Variants in IPO7 observed in about 807,000 individuals in gnomAD.
The protein encoded by IPO7 is importin 7.
A neutral mutation model predicts 136.4 loss-of-function variants in IPO7; 13 were observed. That is an observed-to-expected ratio of 0.10 (90% CI 0.06 to 0.15). IPO7 has a LOEUF of 0.15. Ranked by LOEUF, IPO7 falls within the 10% of genes least tolerant of loss-of-function variation. IPO7 has a pLI of 1.00. For synonymous variants in IPO7, 403 were observed against 404.4 expected, an observed-to-expected ratio of 1.00 and a Z score of 0.04; for missense variants, 857 against 1,240.6, an observed-to-expected ratio of 0.69 and a Z score of 4.65.
chr11:9,431,595 T>G (rs1346402202), intron 16 of IPO7, among the ~76,000 whole-genome samples: 1 of 152,130 alleles, frequency 6.6e-6, no homozygotes, highest in Non-Finnish European at 1.5e-5. Context: ...GTAATAAAGT[T>G]TAGGTGATTA....
chr11:9,438,425 G>A, intron 22 of IPO7, 140 bp downstream of exon 22: 1 of 622,288 alleles, frequency 1.6e-6, no homozygotes, highest in Admixed American at 2.7e-5. Flanking sequence ...AGGAGTTCGA[G>A]ACCAGCCTGG....
chr11:9,425,315 T>C, intron 12 of IPO7, 53 bp downstream of exon 12: 1 of 1,083,450 alleles, frequency 9.2e-7, no homozygotes, highest in Non-Finnish European at 1.4e-6. Context: ...TTTTAAAAAA[T>C]AAATAGCCAG....
At chr11:9,444,751 C>T (rs1447923661) in intron 24 of IPO7, among the ~76,000 whole-genome samples, 7 of 150,416 alleles carry the variant, frequency 4.7e-5, no homozygotes, top group Non-Finnish European at 7.4e-5. Context: ...AGGAGAGAAT[C>T]GCTTGCACCT....
Position 9,440,494 on chromosome 11 carries a change from G to C in IPO7, c.2735G>C (p.Gly912Ala), listed in dbSNP as rs1036166258. 10 of 1,613,838 alleles carry C rather than the reference G, an allele frequency of 6.2e-6. No individual in the cohort carries two copies. Among genetic ancestry groups the C allele is most frequent in the African/African-American group, 1.3e-5 (1 of 74,906 alleles). The stretch of plus-strand genomic sequence containing the variant: ...GATGAAGATGATATTGATGAAGATG[G>C]GCAAGAATATTTGGAGATTCTGGCT... ...GSDEDDIDED[G>A]QEYLEILAKQ... The change falls in exon 23 of 25, where the codon GGG becomes GCG. Residue 912 changes from glycine to alanine, a missense_variant. Physicochemically the swap from Gly to Ala is moderately conservative, Grantham distance 60 (BLOSUM62 0). This residue lies in a region of IPO7 where 119 missense variants were observed against 155.5 expected (regional missense o/e 0.77). Coordinates refer to ENST00000379719, the MANE Select transcript of IPO7 (RefSeq NM_006391.3).
In IPO7 at chr11:9,445,894, A is replaced by G. The variant is rs1264183581; in HGVS notation, c.*700A>G. On this transcript the variant is annotated 3_prime_UTR_variant, in exon 25 of 25. Coordinates refer to ENST00000379719, the MANE Select transcript of IPO7 (RefSeq NM_006391.3). ...TGTAATGGGGTGGGGGGCAGGGGTA[A>G]TTTCAAGTTATTAATTTAAAAATGA... The G allele has an allele frequency of 6.6e-6, 1 of 152,016 alleles. No homozygotes were observed. The highest frequency in any genetic ancestry group is 1.5e-5 in the Non-Finnish European group (1 of 68,018). 9.4% of individuals were successfully genotyped at this position (152,016 alleles called of 1,614,324 possible). A position where few individuals can be genotyped will look rare whatever the true frequency, so the allele number is the denominator to read the frequency against.
In IPO7 at chr11:9,408,653, A is replaced by G; in HGVS notation, c.320+14A>G. 1 of 1,525,156 alleles carries G rather than the reference A, an allele frequency of 6.6e-7. No homozygotes were observed. Among genetic ancestry groups the G allele is most frequent in the Non-Finnish European group, 8.8e-7 (1 of 1,138,192 alleles). 94.5% of individuals were successfully genotyped at this position (1,525,156 alleles called of 1,614,324 possible). A position where few individuals can be genotyped will look rare whatever the true frequency, so the allele number is the denominator to read the frequency against. On this transcript the variant is annotated intron_variant, in intron 3 of 24. Transcript: ENST00000379719. ...TGAGCTCATCAGGTATGTATTTTTA[A>G]AATTTACCCATTTCTGCAGGTGTGT...
At position 9,433,759 on chromosome 11, in the gene IPO7, A is replaced by T. The variant is rs1223936664; in HGVS notation, c.1987A>T (p.Thr663Ser). Reference protein sequence around the residue: ...EEIFSLAHSLTCQQVSPQMWQ... With the variant: ...EEIFSLAHSLSCQQVSPQMWQ... ...GATCTTCTCTTTAGCGCACAGTTTG[A>T]CATGTCAACAAGTGTCTCCACAGAT... Residue 663 changes from threonine (T) to serine (S), a missense_variant, in exon 18 of 25, where the codon ACA (threonine) becomes TCA (serine). Physicochemically the swap from Thr to Ser is moderately conservative, Grantham distance 58. Around this residue, in one of 11 missense-constraint regions of IPO7, gnomAD observed 190 missense variants for 249.0 expected, o/e 0.76. Transcript: ENST00000379719. 1 of 1,612,020 alleles carries T rather than the reference A, an allele frequency of 6.2e-7. No homozygotes were observed. Among genetic ancestry groups the T allele is most frequent in the African/African-American group, 1.3e-5 (1 of 74,976 alleles).
intron 6 of IPO7, among the ~76,000 whole-genome samples, chr11:9,419,972 A>G (rs1175027874): frequency 6.6e-6 from 1 of 152,196 alleles, no homozygotes; most frequent in Non-Finnish European, 1.5e-5. Context: ...AGCAGTGAGG[A>G]TGCCTCTTTG....
chr11:9,422,905 T>A, intron 8 of IPO7, 101 bp from the exon 9 acceptor site: 1 of 611,444 alleles, frequency 1.6e-6, no homozygotes, highest in Non-Finnish European at 2.8e-6. Flanking sequence ...TTCTTGATGA[T>A]GAGCTTGTCA....
chr11:9,409,603 C>G (rs777699302), intron 3 of IPO7, among the ~76,000 whole-genome samples: 1 of 152,058 alleles, frequency 6.6e-6, no homozygotes, highest in Non-Finnish European at 1.5e-5. Context: ...TGGTCTTGAT[C>G]CCTTGACCTT....
chr11:9,417,031 G>A (rs746949587), intron 5 of IPO7, 28 bp from the exon 6 acceptor site: 14 of 1,074,690 alleles, frequency 1.3e-5, no homozygotes, highest in South Asian at 2.7e-5. Flanking sequence ...CAAGGATTTC[G>A]AAATATTAAT....
intron 16 of IPO7, 29 bp from the exon 17 acceptor site, chr11:9,433,541 T>C (rs773580423): frequency 1.9e-6 from 3 of 1,538,976 alleles, no homozygotes; most frequent in Non-Finnish European, 2.7e-6. Flanking sequence ...AGGCTGTAAC[T>C]GCATATGATT....
intron 2 of IPO7, among the ~76,000 whole-genome samples, chr11:9,406,735 G>A (rs1470924929): frequency 4.6e-5 from 7 of 151,990 alleles, no homozygotes; most frequent in Non-Finnish European, 1.0e-4. Flanking sequence ...TAGCCGGGTG[G>A]TAGTGGCATG....
chr11:9,392,171 CT>C (rs59866244), intron 1 of IPO7: 7,793 of 183,968 alleles, frequency 0.042, 8 homozygotes, highest in East Asian at 0.061. Flanking sequence ...TTGTCAAATT[CT>C]TTTTTTTTTT....
At chr11:9,443,449 A>G (rs894439616) in intron 24 of IPO7, among the ~76,000 whole-genome samples, 15 of 151,142 alleles carry the variant, frequency 9.9e-5, no homozygotes, top group Admixed American at 7.9e-4. Flanking sequence ...AAAATTAGCC[A>G]GGCGTGGTAG....
At chr11:9,397,341 A>ATATATATATATAT (rs1554952648) in intron 1 of IPO7, among the ~76,000 whole-genome samples, 4 of 10,762 alleles carry the variant, frequency 3.7e-4, no homozygotes, top group African/African-American at 1.0e-3. Context: ...TTTAAAAAAA[A>ATATATATATATAT]ATATATATAT....
At chr11:9,414,539 C>G in intron 5 of IPO7, 128 bp downstream of exon 5, 1 of 476,438 alleles carries the variant, frequency 2.1e-6, no homozygotes, top group Non-Finnish European at 3.4e-6. Flanking sequence ...GGATGATTTT[C>G]TAGCAAAATA....
rs188086120 is a variant in IPO7, at chr11:9,443,798, G to T, written c.3020-1299G>T. On this transcript the variant is annotated intron_variant, in intron 24 of 24. Coordinates refer to ENST00000379719, the MANE Select transcript of IPO7 (RefSeq NM_006391.3). ...GCCTGTAGTCCCAGCTACTTGGGAG[G>T]CTGAGGCTGGAGGATCACTTGAATG... 9.1e-4 allele frequency among the ~76,000 whole-genome samples: 139 copies of T among 152,190 alleles called. 3 individuals are homozygous for T. In the East Asian group the frequency reaches 0.022, roughly 24 times the overall value.
intron 1 of IPO7, among the ~76,000 whole-genome samples, chr11:9,390,452 G>A (rs1354045068): frequency 1.3e-5 from 2 of 152,096 alleles, no homozygotes; most frequent in Non-Finnish European, 2.9e-5. Flanking sequence ...CTGGAAAAGT[G>A]TAAAATAATG....
Sources: gnomAD v4.1 joint callset for allele counts (sites outside exome capture counted in the v4.1 genomes callset) on GRCh38, gnomAD v4.1.1 for gene constraint, gnomAD v4.1.1 regional missense constraint, MANE v1.5 for transcripts, NCBI Gene and HGNC (gene_info 2026-07-23, HGNC 2026-07-21) for gene names.